Variants in APBA1 observed in about 807,000 individuals in gnomAD.
APBA1 encodes amyloid beta precursor protein binding family A member 1.
Under a neutral mutation model 86.6 loss-of-function variants are expected in APBA1, and 55 were observed. The observed-to-expected ratio is 0.64, with a 90% CI of 0.51 to 0.80. APBA1 has a LOEUF of 0.80. Among genes scored for constraint, APBA1 ranks in the 30% least tolerant of loss-of-function variants. The pLI is 0.00. For missense variants in APBA1, 1,090 were observed against 1,183.0 expected (o/e 0.92, Z 1.15); for synonymous variants, 511 against 493.9 (o/e 1.03, Z -0.46).
At chr9:69,500,954 G>C (rs1192109750) in intron 2 of APBA1, among the ~76,000 whole-genome samples, 2 of 152,032 alleles carry the variant, frequency 1.3e-5, no homozygotes, top group Non-Finnish European at 2.9e-5. Context: ...ATTCTCCCAG[G>C]TCACAAAAAG....
intron 8 of APBA1, among the ~76,000 whole-genome samples, chr9:69,452,933 T>C (rs1257652203): frequency 6.6e-6 from 1 of 152,224 alleles, no homozygotes; most frequent in Non-Finnish European, 1.5e-5. Context: ...TGCATGTGCT[T>C]GTAGATACAT....
At chr9:69,542,987 G>C (rs1271963438) in intron 1 of APBA1, among the ~76,000 whole-genome samples, 1 of 152,212 alleles carries the variant, frequency 6.6e-6, no homozygotes, top group Non-Finnish European at 1.5e-5. Context: ...ATGAGGTTAA[G>C]AGGCTTCTGC....
chr9:69,515,588 C>T lies in APBA1; in HGVS notation c.1200+423G>A, dbSNP rs181644617. ...TATCTTTCTCCCCTTTGCAATAATC[C>T]TTTCCAGTGAAGTCTCTCCTTCCTC... On this transcript the variant is annotated intron_variant, in intron 2 of 12. Transcript: ENST00000265381. Among the ~76,000 whole-genome samples, 879 of 150,838 alleles carry T rather than the reference C, an allele frequency of 5.8e-3. 1 individual carries two copies. Among genetic ancestry groups the T allele is most frequent in the Non-Finnish European group, 9.6e-3 (653 of 67,864 alleles).
At chr9:69,543,338 T>C (rs1442123853) in intron 1 of APBA1, among the ~76,000 whole-genome samples, 5 of 151,736 alleles carry the variant, frequency 3.3e-5, no homozygotes, top group Non-Finnish European at 5.9e-5. Flanking sequence ...CTGCTTGCTG[T>C]TTTGGTTCCC....
chr9:69,520,048 C>A (rs1174978823), intron 1 of APBA1, among the ~76,000 whole-genome samples: 1 of 152,164 alleles, frequency 6.6e-6, no homozygotes, highest in Admixed American at 6.5e-5. Context: ...AGTATTTACA[C>A]ATACAGTGTT....
At chr9:69,461,068 TTTAGAGTA>T in intron 5 of APBA1, 2 of 152,168 alleles carry the variant, frequency 1.3e-5, no homozygotes, top group African/African-American at 4.8e-5. Flanking sequence ...ATTCTGTGGA[TTTAGAGTA>T]ATACCATCTT....
intron 1 of APBA1, among the ~76,000 whole-genome samples, chr9:69,539,491 A>C (rs938195281): frequency 1.3e-5 from 2 of 152,064 alleles, no homozygotes; most frequent in Non-Finnish European, 2.9e-5. Context: ...CCAACTAAAC[A>C]CTTTTTATTC....
intron 5 of APBA1, chr9:69,463,936 T>A (rs1385706946): frequency 6.6e-6 from 1 of 152,282 alleles, no homozygotes; most frequent in Non-Finnish European, 1.5e-5. Flanking sequence ...GTCTGCAGCT[T>A]TGCTGTGCTC....
At chr9:69,467,325 T>C (rs565340856) in intron 5 of APBA1, among the ~76,000 whole-genome samples, 10 of 152,358 alleles carry the variant, frequency 6.6e-5, no homozygotes, top group Admixed American at 2.6e-4. Context: ...AGCCTTGCAC[T>C]GACCTTAGAC....
intron 1 of APBA1, among the ~76,000 whole-genome samples, chr9:69,658,152 T>G (rs1823650643): frequency 6.6e-6 from 1 of 152,184 alleles, no homozygotes. Context: ...TGGAACAACC[T>G]AATAGCTCCC....
At chr9:69,619,182 C>T (rs1288880658) in intron 1 of APBA1, among the ~76,000 whole-genome samples, 1 of 152,024 alleles carries the variant, frequency 6.6e-6, no homozygotes, top group Non-Finnish European at 1.5e-5. Flanking sequence ...AGGAAGTTAT[C>T]TAGGAGTGGA....
chr9:69,519,433 A>G (rs1342931133), intron 1 of APBA1, among the ~76,000 whole-genome samples: 2 of 152,242 alleles, frequency 1.3e-5, no homozygotes, highest in East Asian at 1.9e-4. Flanking sequence ...CAAATATTCA[A>G]TTCAATACAA....
At chr9:69,483,205 G>T (rs1048105503) in intron 2 of APBA1, among the ~76,000 whole-genome samples, 2 of 150,376 alleles carry the variant, frequency 1.3e-5, no homozygotes, top group South Asian at 2.1e-4. Flanking sequence ...TGAGAGGAAG[G>T]CTGCGCTGCT....
At chr9:69,561,245 T>C (rs1836941608) in intron 1 of APBA1, among the ~76,000 whole-genome samples, 1 of 152,168 alleles carries the variant, frequency 6.6e-6, no homozygotes, top group Non-Finnish European at 1.5e-5. Flanking sequence ...AAACTTGCTG[T>C]AATAAAAAGA....
intron 2 of APBA1, among the ~76,000 whole-genome samples, chr9:69,482,152 A>T (rs1397550511): frequency 6.6e-6 from 1 of 152,058 alleles, no homozygotes; most frequent in African/African-American, 2.4e-5. Context: ...GCTTCTGCAC[A>T]GCAAAAGAAA....
intron 1 of APBA1, among the ~76,000 whole-genome samples, chr9:69,577,370 G>C (rs1821823476): frequency 6.6e-6 from 1 of 152,182 alleles, no homozygotes; most frequent in South Asian, 2.1e-4. Flanking sequence ...GGGAAAACTA[G>C]GAAGCTCTGG....
chr9:69,643,432 G>C (rs937649732), intron 1 of APBA1, among the ~76,000 whole-genome samples: 2 of 152,160 alleles, frequency 1.3e-5, no homozygotes, highest in African/African-American at 2.4e-5. Context: ...ATAATATATA[G>C]AATTCAAGAG....
chr9:69,450,829 A>G (rs1052893060), intron 9 of APBA1, among the ~76,000 whole-genome samples: 1 of 152,152 alleles, frequency 6.6e-6, no homozygotes, highest in African/African-American at 2.4e-5. Flanking sequence ...GTATCAAAAA[A>G]AAAAAGAGGA....
intron 1 of APBA1, among the ~76,000 whole-genome samples, chr9:69,536,892 C>A (rs1190260809): frequency 6.7e-6 from 1 of 149,070 alleles, no homozygotes; most frequent in Non-Finnish European, 1.5e-5. Context: ...AAAAAAACCA[C>A]AAAAAAACAA....
Sources: allele counts gnomAD v4.1 joint callset (sites outside exome capture counted in the v4.1 genomes callset), GRCh38; gene constraint gnomAD v4.1.1; transcripts MANE v1.5; gene names NCBI Gene and HGNC (gene_info 2026-07-23, HGNC 2026-07-21).